Variants in SELENOF observed in about 807,000 individuals in gnomAD.
SELENOF encodes the protein 15 kDa selenoprotein.
In SELENOF, 16 loss-of-function variants were observed where a neutral mutation model predicts 20.5. The observed-to-expected ratio is 0.78, with a 90% CI of 0.53 to 1.19. The LOEUF (loss-of-function observed/expected upper bound fraction) is 1.19. Among genes scored for constraint, SELENOF ranks in the 50% most tolerant of loss-of-function variants. The pLI is 0.00. For missense variants in SELENOF, 215 were observed against 194.2 expected (o/e 1.11, Z -0.64); for synonymous variants, 78 against 74.5 (o/e 1.05, Z -0.24).
At chr1:86,912,687 A>G (rs751625723) in intron 1 of SELENOF, among the ~76,000 whole-genome samples, 17 of 152,210 alleles carry the variant, frequency 1.1e-4, no homozygotes, top group Non-Finnish European at 1.9e-4. Context: ...CAAGTCCTCG[A>G]GCTGACAGCA....
intron 2 of SELENOF, among the ~76,000 whole-genome samples, chr1:86,885,951 C>A (rs543404314): frequency 6.6e-6 from 1 of 152,264 alleles, no homozygotes; most frequent in African/African-American, 2.4e-5. Flanking sequence ...AAGATTAATA[C>A]TTCCACAGTA....
intron 2 of SELENOF, among the ~76,000 whole-genome samples, chr1:86,899,599 C>T (rs1659627720): frequency 6.6e-6 from 1 of 151,166 alleles, no homozygotes; most frequent in African/African-American, 2.4e-5. Flanking sequence ...GGCTGACCCC[C>T]CAACCTCCCT....
At chr1:86,901,126 G>A (rs944162389) in intron 2 of SELENOF, among the ~76,000 whole-genome samples, 1 of 152,062 alleles carries the variant, frequency 6.6e-6, no homozygotes, top group African/African-American at 2.4e-5. Context: ...TTAATGTAAG[G>A]CACTAGTCTA....
intron 3 of SELENOF, among the ~76,000 whole-genome samples, chr1:86,874,074 TG>T (rs1658860923): frequency 6.6e-6 from 1 of 150,600 alleles, no homozygotes; most frequent in Non-Finnish European, 1.5e-5. Context: ...ACTAAAGAAA[TG>T]GTGTCATACT....
chr1:86,879,158 C>T (rs190108218), intron 3 of SELENOF, among the ~76,000 whole-genome samples: 2 of 152,018 alleles, frequency 1.3e-5, no homozygotes, highest in Admixed American at 1.3e-4. Context: ...TTTAATAAAA[C>T]AAGTAAGTAT....
At chr1:86,906,369 C>G (rs562319404) in intron 1 of SELENOF, among the ~76,000 whole-genome samples, 22 of 152,312 alleles carry the variant, frequency 1.4e-4, no homozygotes, top group African/African-American at 5.1e-4. Context: ...CAATATGTAT[C>G]AAAGGCTGCA....
upstream of SELENOF, chr1:86,914,152 A>G: frequency 1.3e-6 from 2 of 1,583,652 alleles, no homozygotes; most frequent in Non-Finnish European, 8.7e-7. Flanking sequence ...CCCCTAAGCT[A>G]GGGGCGTCCA....
At chr1:86,866,572 G>A (rs1390195419) in intron 4 of SELENOF, among the ~76,000 whole-genome samples, 1 of 151,890 alleles carries the variant, frequency 6.6e-6, no homozygotes, top group Non-Finnish European at 1.5e-5. Flanking sequence ...ACTTAATACT[G>A]GACTGTAGTA....
intron 2 of SELENOF, among the ~76,000 whole-genome samples, chr1:86,882,441 G>A (rs1242158574): frequency 6.7e-6 from 1 of 149,440 alleles, no homozygotes; most frequent in East Asian, 1.9e-4. Flanking sequence ...TTAGGGAAAT[G>A]CATATCAAAA....
At chr1:86,912,872 C>A (rs984514018) in intron 1 of SELENOF, among the ~76,000 whole-genome samples, 1 of 151,910 alleles carries the variant, frequency 6.6e-6, no homozygotes, top group East Asian at 1.9e-4. Flanking sequence ...AGGGCGGTTA[C>A]ACAGCTATAG....
chr1:86,913,824 A>C, intron 1 of SELENOF: 1 of 593,742 alleles, frequency 1.7e-6, no homozygotes, highest in South Asian at 2.1e-5. Flanking sequence ...ATCTGAAATC[A>C]AGAGAAAACT....
rs1326452114 is a variant in SELENOF at position 86,863,516 on chromosome 1, G to A, written c.456C>T (p.Asp152=). ...TTTCACTCAGGAATTCTTCTACACT[G>A]TCTGTGTTCCATTTGAGAATGCTCA... ...EELSILKWNT[D]SVEEFLSEKL... Residue 152 remains aspartate (D), a synonymous_variant, in exon 5 of 5, where the codon GAC becomes GAT. Coordinates refer to ENST00000331835, the MANE Select transcript of SELENOF (RefSeq NM_004261.5). The A allele has an allele frequency of 6.2e-7, 1 of 1,613,610 alleles. No individual in the cohort carries two copies. The highest frequency in any genetic ancestry group is 8.5e-7 in the Non-Finnish European group (1 of 1,179,650).
chr1:86,863,169 C>T lies in SELENOF; in HGVS notation c.*305G>A, dbSNP rs370305817. On this transcript the variant is annotated 3_prime_UTR_variant, in exon 5 of 5. Transcript: ENST00000331835. ...CTCTCTAATTTAGAAATCTGTTGTT[C>T]GTAAAACTGGACCAATTATCACAAA... is the stretch of plus-strand genomic sequence containing the variant. 44 of 232,542 alleles carry T rather than the reference C, an allele frequency of 1.9e-4. 1 individual carries two copies. The South Asian group carries it at 2.3e-3, about 12-fold the overall frequency. 14.4% of individuals were successfully genotyped at this position (232,542 alleles called of 1,614,324 possible). A position where few individuals can be genotyped will look rare whatever the true frequency, so the allele number is the denominator to read the frequency against.
At chr1:86,910,840 T>G (rs573735673) in intron 1 of SELENOF, among the ~76,000 whole-genome samples, 33 of 151,546 alleles carry the variant, frequency 2.2e-4, no homozygotes, top group Non-Finnish European at 3.5e-4. Context: ...TCCCAACAAT[T>G]TTCATCTACA....
At chr1:86,880,214 C>A (rs890827874) in intron 3 of SELENOF, among the ~76,000 whole-genome samples, 2 of 151,828 alleles carry the variant, frequency 1.3e-5, no homozygotes, top group African/African-American at 4.8e-5. Context: ...CGGCTCACTG[C>A]AACCTCTGCC....
intron 2 of SELENOF, among the ~76,000 whole-genome samples, chr1:86,881,695 A>C (rs1478720918): frequency 6.6e-6 from 1 of 152,248 alleles, no homozygotes; most frequent in African/African-American, 2.4e-5. Flanking sequence ...TGGAAAATAC[A>C]GAAAGGCATA....
At chr1:86,864,782 C>G (rs1570367899) in intron 4 of SELENOF, among the ~76,000 whole-genome samples, 1 of 151,568 alleles carries the variant, frequency 6.6e-6, no homozygotes, top group East Asian at 1.9e-4. Flanking sequence ...GATTACAGGC[C>G]CCTGCTACCA....
At chr1:86,907,685 G>T (rs533680533) in intron 1 of SELENOF, among the ~76,000 whole-genome samples, 52 of 152,294 alleles carry the variant, frequency 3.4e-4, no homozygotes, top group Admixed American at 3.4e-3. Context: ...AAGCAGAATT[G>T]ACAAATTAAG....
Position 86,914,086 on chromosome 1 carries a change from C to T in SELENOF, c.26G>A (p.Ser9Asn), listed in dbSNP as rs754001040. MVAMAAGP[S>N]GCLVPAFGLR... Reference sequence around the variant, plus strand: ...CCCAAACGCCGGCACCAGACACCCACTCGGCCCAGCCGCCATCGCTACCAT... The same window carrying T: ...CCCAAACGCCGGCACCAGACACCCATTCGGCCCAGCCGCCATCGCTACCAT... The change falls in exon 1 of 5, where the codon AGT becomes AAT. Residue 9 changes from serine to asparagine, a missense_variant. Transcript: ENST00000331835. 7 of 1,614,012 alleles carry T rather than the reference C, an allele frequency of 4.3e-6. No homozygotes were observed. The highest frequency in any genetic ancestry group is 1.1e-5 in the South Asian group (1 of 91,082).
Sources: allele counts gnomAD v4.1 joint callset (sites outside exome capture counted in the v4.1 genomes callset), GRCh38; gene constraint gnomAD v4.1.1; transcripts MANE v1.5; gene names NCBI Gene and HGNC (gene_info 2026-07-23, HGNC 2026-07-21).